ZNF217: variants seen among roughly 807,000 people sequenced by gnomAD.
ZNF217 encodes the protein zinc finger protein 217.
In ZNF217, 12 loss-of-function variants were observed where a neutral mutation model predicts 73.3. The observed-to-expected ratio is 0.16, with a 90% confidence interval of 0.10 to 0.27. The LOEUF is 0.27. ZNF217 is among the 10% of genes least tolerant of loss of function. ZNF217 has a pLI of 1.00. For missense variants in ZNF217, 1,195 were observed against 1,327.8 expected, an observed-to-expected ratio of 0.90 and a Z score of 1.55; for synonymous variants, 588 against 516.4, an observed-to-expected ratio of 1.14 and a Z score of -1.88.
chr20:53,571,922 G>C (rs1286167219), intron 4 of ZNF217, 69 bp from the exon 5 acceptor site: 1 of 1,480,064 alleles, frequency 6.8e-7, no homozygotes, highest in Non-Finnish European at 9.0e-7. Flanking sequence ...TAGGTTTTTA[G>C]AAGTCAATTT....
At position 53,582,502 on chromosome 20, in the gene ZNF217, C is replaced by T. The variant is rs1988549545; in HGVS notation, c.325G>A (p.Asp109Asn). The T allele has an allele frequency of 1.2e-6, 2 of 1,614,024 alleles. No homozygotes were observed. Among genetic ancestry groups the T allele is most frequent in the African/African-American group, 2.7e-5 (2 of 74,902 alleles). Residue 109 changes from aspartate (D) to asparagine (N), a missense_variant, in exon 2 of 6, where the codon GAT becomes AAT. Asp to Asn is a conservative substitution (Grantham distance 23). Around this residue, in one of 9 missense-constraint regions of ZNF217, gnomAD observed 147 missense variants for 184.3 expected, o/e 0.80. Transcript: ENST00000371471. This position sits in a 1 kb window ranked among gnomAD's most constrained non-coding sequence, Gnocchi z 4.8. Reference protein sequence around the residue: ...RVEAEYLSPLDKSQVRTEPPK... With the variant: ...RVEAEYLSPLNKSQVRTEPPK... ...GGTTCTGTTCGCACTTGACTTTTAT[C>T]AAGCGGACTGAGATACTCTGCTTCA...
rs1988555269 is a variant in ZNF217 at position 53,582,659 on chromosome 20, G to A, written c.168C>T (p.Val56=). 1 of 1,614,058 alleles carries A rather than the reference G, an allele frequency of 6.2e-7. No homozygotes were observed. ...AGGGCATATACCCCTCGATTTGGAT[G>A]ACATTTTTTTCTTGTGTAGCTCGGA... ...VPFRATQEKN[V]IQIEGYMPLD... is the part of the protein sequence containing the mutation. Residue 56 remains valine, a synonymous_variant, in exon 2 of 6, where the codon GTC becomes GTT. Transcript: ENST00000371471. This position sits in a 1 kb window ranked among gnomAD's most constrained non-coding sequence, Gnocchi z 4.8.
rs6126875 is a variant in ZNF217, at chr20:53,581,012, G to A, written c.1366+449C>T. ...TGTCCTGTGCACTGTACCATGCTGA[G>A]CAGTGTCCCTGGCCTCTGCCCACTG... On this transcript the variant is annotated intron_variant, in intron 2 of 5. Coordinates refer to ENST00000371471, the MANE Select transcript of ZNF217 (RefSeq NM_006526.3). The surrounding 1 kb of genome is among the most constrained non-coding windows in gnomAD (Gnocchi z 4.9). Among the ~76,000 whole-genome samples the A allele has an allele frequency of 0.32, 48,657 of 151,938 alleles. 8,946 individuals are homozygous for A. Among genetic ancestry groups the A allele is most frequent in the East Asian group, 0.46 (2,351 of 5,150 alleles).
chr20:53,596,240 CAA>C (rs201769487), upstream of ZNF217, among the ~76,000 whole-genome samples: 6 of 144,962 alleles, frequency 4.1e-5, no homozygotes, highest in East Asian at 2.0e-4. Context: ...CCGCCTCTCT[CAA>C]AAAAAAAAAA....
chr20:53,577,737 C>CAGCATTTTAA (rs1943397614), intron 3 of ZNF217, among the ~76,000 whole-genome samples: 1 of 152,168 alleles, frequency 6.6e-6, no homozygotes, highest in Non-Finnish European at 1.5e-5. Context: ...ACATAAGATG[C>CAGCATTTTAA]AGCATTTTAA....
intron 3 of ZNF217, among the ~76,000 whole-genome samples, chr20:53,577,496 C>T (rs1988327648): frequency 6.6e-6 from 1 of 152,204 alleles, no homozygotes; most frequent in Non-Finnish European, 1.5e-5. Context: ...AGCAACACTT[C>T]TAACTTATTT....
upstream of ZNF217, among the ~76,000 whole-genome samples, chr20:53,595,918 A>G (rs1311481451): frequency 6.6e-6 from 1 of 152,232 alleles, no homozygotes; most frequent in East Asian, 1.9e-4. Context: ...GTGTAACCTC[A>G]TTCTACATGT....
upstream of ZNF217, chr20:53,593,968 G>C (rs1423933077): frequency 1.3e-5 from 2 of 151,114 alleles, no homozygotes; most frequent in Admixed American, 1.3e-4. Flanking sequence ...CCCCCCAAAA[G>C]ACACGGGGAG....
chr20:53,580,033 G>A (rs1266641494), intron 2 of ZNF217, among the ~76,000 whole-genome samples: 6 of 152,162 alleles, frequency 3.9e-5, no homozygotes, highest in East Asian at 3.8e-4. Flanking sequence ...CAACAGTACC[G>A]GCACTAGCAG....
chr20:53,592,047 C>T (rs1286145298), intron 1 of ZNF217, among the ~76,000 whole-genome samples: 1 of 152,210 alleles, frequency 6.6e-6, no homozygotes, highest in African/African-American at 2.4e-5. Context: ...AATCTCATGT[C>T]AAGTCATTCA....
In ZNF217 at chr20:53,576,050, G is replaced by A; in HGVS notation, c.2714C>T (p.Ala905Val). The A allele has an allele frequency of 1.9e-6, 3 of 1,614,186 alleles. No individual in the cohort carries two copies. Among genetic ancestry groups the A allele is most frequent in the South Asian group, 1.1e-5 (1 of 91,078 alleles). Residue 905 changes from alanine to valine, a missense_variant, in exon 4 of 6, where the codon GCC (alanine) becomes GTC (valine). By Grantham distance (64) the Ala-to-Val change is moderately conservative. This residue lies in a region of ZNF217 where 649 missense variants were observed against 642.8 expected (regional missense o/e 1.01). Coordinates refer to ENST00000371471, the MANE Select transcript of ZNF217 (RefSeq NM_006526.3). ...ACCAAATTCTGCTGCAGTATTGCTG[G>A]CACTCCGATTACAGAAATAGTCTCT... is the stretch of plus-strand genomic sequence containing the variant. ...PGRDYFCNRSASNTAAEFGEP... is the reference protein window; with the variant it reads ...PGRDYFCNRSVSNTAAEFGEP...
rs1988147484 is a variant in ZNF217, at chr20:53,574,316, G to A, written c.3037+1411C>T. 2.0e-5 allele frequency: 3 copies of A among 152,314 alleles called. No homozygotes were observed. In the South Asian group the frequency reaches 6.2e-4, roughly 32 times the overall value. 9.4% of individuals were successfully genotyped at this position (152,314 alleles called of 1,614,324 possible). A position where few individuals can be genotyped will look rare whatever the true frequency, so the allele number is the denominator to read the frequency against. ...CATTTAACAGCAAAACGGTTCACAA[G>A]ACTCTTTAATCGGAAGTTCTTTTGC... On this transcript the variant is annotated intron_variant, in intron 4 of 5. Coordinates refer to ENST00000371471, the MANE Select transcript of ZNF217 (RefSeq NM_006526.3).
chr20:53,585,709 T>TA (rs1423142497), intron 1 of ZNF217, among the ~76,000 whole-genome samples: 2 of 152,186 alleles, frequency 1.3e-5, no homozygotes, highest in Non-Finnish European at 2.9e-5. Flanking sequence ...CTTGTAGGAT[T>TA]ATTTCACTGC....
Position 53,576,952 on chromosome 20 carries a change from T to C in ZNF217, c.1812A>G (p.Lys604=). 1 of 1,614,194 alleles carries C rather than the reference T, an allele frequency of 6.2e-7. No individual in the cohort carries two copies. The change falls in exon 4 of 6, where the codon AAA becomes AAG. Residue 604 remains lysine (K), a synonymous_variant. Transcript: ENST00000371471. ...PAHKDTQDFH[K]NAADDSADKV... is the part of the protein sequence containing the mutation. ...TATCAGCACTGTCATCAGCTGCATT[T>C]TTATGGAAATCCTGAGTATCTTTGT...
rs41274708 is a variant in ZNF217 at position 53,576,418 on chromosome 20, C to T, written c.2346G>A (p.Ala782=). The T allele has an allele frequency of 3.7e-6, 6 of 1,614,044 alleles. No individual in the cohort carries two copies. In the Admixed American group the frequency reaches 6.7e-5, roughly 18 times the overall value. The change falls in exon 4 of 6, where the codon GCG becomes GCA. Residue 782 remains alanine, a synonymous_variant. Transcript: ENST00000371471. ...TCGCAGATGGCAGGGATTTGGACTG[C>T]GCCGGGAAAGCAGACTTGGGCTTGG... ...CKPKPKSAFP[A]QSKSLPSAKG...
At chr20:53,571,896 T>C (rs1988027352) in intron 4 of ZNF217, 43 bp from the exon 5 acceptor site, 3 of 1,572,790 alleles carry the variant, frequency 1.9e-6, no homozygotes, top group African/African-American at 1.4e-5. Flanking sequence ...GGTCAAACAA[T>C]TAGGTAAGAT....
Position 53,581,405 on chromosome 20 carries a change from C to G in ZNF217, c.1366+56G>C, listed in dbSNP as rs1008412689. The G allele has an allele frequency of 6.5e-7, 1 of 1,530,044 alleles. No homozygotes were observed. The highest frequency in any genetic ancestry group is 8.8e-7 in the Non-Finnish European group (1 of 1,140,894). 94.8% of individuals were successfully genotyped at this position (1,530,044 alleles called of 1,614,324 possible). On this transcript the variant is annotated intron_variant, in intron 2 of 5. Transcript: ENST00000371471. This position sits in a 1 kb window ranked among gnomAD's most constrained non-coding sequence, Gnocchi z 4.9. ...GGAGATGGGAATAGAGAGGGGGAGA[C>G]GGGGAGACAGACAGACACAGGCGGA...
chr20:53,576,891 G>C lies in ZNF217; in HGVS notation c.1873C>G (p.Leu625Val), dbSNP rs1235245075. The C allele has an allele frequency of 6.2e-7, 1 of 1,614,154 alleles. No homozygotes were observed. Among genetic ancestry groups the C allele is most frequent in the Middle Eastern group, 1.6e-4 (1 of 6,062 alleles). Residue 625 changes from leucine (L) to valine (V), a missense_variant, in exon 4 of 6, where the codon CTG (leucine) becomes GTG (valine). Physicochemically the swap from Leu to Val is conservative, Grantham distance 32. Transcript: ENST00000371471. ...TCAACTGCTGATCTCTTTTTTAACA[G>C]GTCCAGGTAAGCAGGGGTAGGGTTT... ...NKNPTPAYLD[L>V]LKKRSAVETQ...
chr20:53,577,434 C>G (rs1405985019), intron 3 of ZNF217, among the ~76,000 whole-genome samples, 154 bp from the exon 4 acceptor site: 1 of 152,198 alleles, frequency 6.6e-6, no homozygotes, highest in African/African-American at 2.4e-5. Context: ...ATCATCCTTA[C>G]TGTAATGAAT....
Sources: gnomAD v4.1 joint callset for allele counts (sites outside exome capture counted in the v4.1 genomes callset) on GRCh38, gnomAD v4.1.1 for gene constraint, gnomAD v4.1.1 regional missense constraint, Gnocchi (gnomAD v3.1) non-coding constraint, MANE v1.5 for transcripts, NCBI Gene and HGNC (gene_info 2026-07-23, HGNC 2026-07-21) for gene names.